The following BBS1 variants were observed in gnomAD, a reference collection of about 807,000 sequenced individuals.
BBS1 encodes BBSome complex member BBS1.
A neutral mutation model predicts 73.9 loss-of-function variants in BBS1; 60 were observed. That is an observed-to-expected ratio of 0.81 (90% CI 0.66 to 1.01). The LOEUF (loss-of-function observed/expected upper bound fraction) is 1.01. Ranked by LOEUF, BBS1 falls within the 50% of genes least tolerant of loss-of-function variation. The probability of loss-of-function intolerance (pLI) is 0.00; values close to 1 mark genes in which losing one functional copy is unlikely to be tolerated. For synonymous variants in BBS1, 283 were observed against 317.4 expected (o/e 0.89, Z 1.15); for missense variants, 718 against 770.3 (o/e 0.93, Z 0.80).
chr11:66,514,081 G>A (rs1307345216), intron 3 of BBS1, among the ~76,000 whole-genome samples: 1 of 152,200 alleles, frequency 6.6e-6, no homozygotes, highest in Non-Finnish European at 1.5e-5. Flanking sequence ...CTCTAGAAGT[G>A]CCTGGTGTGG....
chr11:66,516,040 T>G, intron 7 of BBS1, 107 bp downstream of exon 7: 2 of 1,080,096 alleles, frequency 1.9e-6, no homozygotes, highest in Non-Finnish European at 2.8e-6. Flanking sequence ...CCAGTATCTC[T>G]TTGCTATATC....
At chr11:66,510,870 G>A in intron 1 of BBS1, 143 bp from the exon 2 acceptor site, 1 of 1,357,044 alleles carries the variant, frequency 7.4e-7, no homozygotes, top group Non-Finnish European at 1.1e-6. Flanking sequence ...TCTGGAGGTC[G>A]CTCGGTGAGC....
intron 3 of BBS1, among the ~76,000 whole-genome samples, chr11:66,511,652 G>T (rs1446511487): frequency 6.6e-6 from 1 of 152,086 alleles, no homozygotes; most frequent in Non-Finnish European, 1.5e-5. Context: ...GATATATGGG[G>T]ACTCATTATA....
chr11:66,522,241 G>A (rs1474029348), intron 9 of BBS1, among the ~76,000 whole-genome samples: 2 of 151,094 alleles, frequency 1.3e-5, no homozygotes, highest in Non-Finnish European at 2.9e-5. Flanking sequence ...GAAACAGATG[G>A]GAAGAAATAA....
rs1856143917 is a variant in BBS1 at position 66,519,763 on chromosome 11, T to A, written c.723+15T>A. On this transcript the variant is annotated intron_variant, in intron 8 of 16. Transcript: ENST00000318312. ...TTTTAGCCAAGGTCAGCGTCAGGTC[T>A]GGCCCTGGGCCCGCTGGAGGCCCAG... 6.2e-7 allele frequency: 1 copy of A among 1,612,424 alleles called. No homozygotes were observed. Among genetic ancestry groups the A allele is most frequent in the South Asian group, 1.1e-5 (1 of 91,056 alleles).
In BBS1 at chr11:66,531,957, G is replaced by T; in HGVS notation, c.1702G>T (p.Val568Leu). The change falls in exon 17 of 17, where the codon GTG (valine) becomes TTG (leucine). Residue 568 changes from valine (V) to leucine (L), a missense_variant. Physicochemically the swap from Val to Leu is conservative, Grantham distance 32. Transcript: ENST00000318312. ...CATGGCCACTCCTCCATAGGTGCTG[G>T]TGCTTCGAGAAGGCCAAAGTGCACC... Reference protein sequence around the residue: ...KGISDIIKVLVLREGQSAPLL... With the variant: ...KGISDIIKVLLLREGQSAPLL... The T allele has an allele frequency of 6.3e-7, 1 of 1,593,992 alleles. No individual in the cohort carries two copies. Among genetic ancestry groups the T allele is most frequent in the Non-Finnish European group, 8.5e-7 (1 of 1,170,836 alleles).
chr11:66,532,645 T>G lies in BBS1; in HGVS notation c.*608T>G, dbSNP rs1403250479. The G allele has an allele frequency of 1.3e-5, 2 of 154,178 alleles. No individual in the cohort carries two copies. Among genetic ancestry groups the G allele is most frequent in the East Asian group, 1.9e-4 (1 of 5,220 alleles). 9.6% of individuals were successfully genotyped at this position (154,178 alleles called of 1,614,324 possible). On this transcript the variant is annotated 3_prime_UTR_variant, in exon 17 of 17. Coordinates refer to ENST00000318312, the MANE Select transcript of BBS1 (RefSeq NM_024649.5). Reference sequence around the variant, plus strand: ...CTGAAATCTTAGACTTAGCCAGTCTTAGGCCTACGATGCCACACAAAGGTT... The same window carrying G: ...CTGAAATCTTAGACTTAGCCAGTCTGAGGCCTACGATGCCACACAAAGGTT...
intron 14 of BBS1, 23 bp downstream of exon 14, chr11:66,529,975 A>AG (rs1423670516): frequency 6.3e-7 from 1 of 1,590,476 alleles, no homozygotes; most frequent in East Asian, 2.3e-5. Context: ...GTGAGGGCAG[A>AG]GTCAGGGCCA....
At chr11:66,515,664 G>A (rs143038314) in intron 5 of BBS1, 29 bp from the exon 6 acceptor site, 85 of 1,614,050 alleles carry the variant, frequency 5.3e-5, no homozygotes, top group African/African-American at 5.2e-4. Flanking sequence ...TCTTCCATTC[G>A]GCTGCCATGC....
chr11:66,523,428 G>T (rs753241093), intron 9 of BBS1, 28 bp from the exon 10 acceptor site: 1 of 1,614,146 alleles, frequency 6.2e-7, no homozygotes, highest in Non-Finnish European at 8.5e-7. Flanking sequence ...TTTCTCTGGG[G>T]CCAGACAGTG....
At chr11:66,524,306 C>T (rs1856391246) in intron 11 of BBS1, 2 of 318,132 alleles carry the variant, frequency 6.3e-6, no homozygotes, top group South Asian at 2.7e-5. Flanking sequence ...TGTTGAGCAC[C>T]TCATATGTAC....
intron 7 of BBS1, among the ~76,000 whole-genome samples, chr11:66,517,220 A>AC (rs1185164545): frequency 1.3e-5 from 2 of 148,672 alleles, no homozygotes; most frequent in African/African-American, 4.9e-5. Context: ...CCAAAAAACA[A>AC]AAAAAAAAAG....
chr11:66,523,649 G>C, intron 10 of BBS1, 73 bp downstream of exon 10: 1 of 1,611,410 alleles, frequency 6.2e-7, no homozygotes, highest in Non-Finnish European at 8.5e-7. Context: ...GAGTCCTCTG[G>C]CTTCCCCACC....
chr11:66,510,995 T>A lies in BBS1; in HGVS notation c.48-18T>A. On this transcript the variant is annotated intron_variant, in intron 1 of 16. Transcript: ENST00000318312. ...TCCCATGGGACTCACTCCCCAACTG[T>A]CTTTCCCCCACTTCCAGCAATGAGG... is the stretch of plus-strand genomic sequence containing the variant. 1 of 1,614,002 alleles carries A rather than the reference T, an allele frequency of 6.2e-7. No homozygotes were observed. Among genetic ancestry groups the A allele is most frequent in the Non-Finnish European group, 8.5e-7 (1 of 1,179,910 alleles).
In BBS1 at chr11:66,523,501, T is replaced by C. The variant is rs1398065187; in HGVS notation, c.876T>C (p.Pro292=). The change falls in exon 10 of 17, where the codon CCT becomes CCC. Residue 292 remains proline, a synonymous_variant. Transcript: ENST00000318312. Reference sequence around the variant, plus strand: ...ACTGCATCGAGCTGAGCGCCCAGCCTGTGGGACTTATCCGGGTACACAAGG... The same window carrying C: ...ACTGCATCGAGCTGAGCGCCCAGCCCGTGGGACTTATCCGGGTACACAAGG... The part of the protein sequence containing the change: ...PKYCIELSAQ[P]VGLIRVHKVL... 1 of 1,614,074 alleles carries C rather than the reference T, an allele frequency of 6.2e-7. No individual in the cohort carries two copies. Among genetic ancestry groups the C allele is most frequent in the Non-Finnish European group, 8.5e-7 (1 of 1,180,000 alleles).
chr11:66,518,766 T>TC (rs1334324999), intron 7 of BBS1, among the ~76,000 whole-genome samples: 1 of 151,006 alleles, frequency 6.6e-6, no homozygotes, highest in East Asian at 1.9e-4. Context: ...TCTTTTTTTT[T>TC]TTTTTTTTTA....
rs1855990359 is a variant in BBS1, at chr11:66,513,460, C to T, written c.160-946C>T. Among the ~76,000 whole-genome samples the T allele has an allele frequency of 3.3e-5, 5 of 152,132 alleles. No individual in the cohort carries two copies. In the South Asian group the frequency reaches 1.0e-3, roughly 31 times the overall value. On this transcript the variant is annotated intron_variant, in intron 3 of 16. Transcript: ENST00000318312. ...TAATAGCTGTATGACTTTTACTTAA[C>T]TTCTCTAAGACACAGCTTCCTCATT...
At chr11:66,523,983 A>T (rs971169901) in intron 11 of BBS1, 101 bp downstream of exon 11, 9 of 1,544,764 alleles carry the variant, frequency 5.8e-6, no homozygotes, top group Non-Finnish European at 7.9e-6. Context: ...GATGCATTTC[A>T]AAAACATTTG....
intron 13 of BBS1, chr11:66,528,991 G>GT (rs2134825727): frequency 1.9e-6 from 1 of 524,368 alleles, no homozygotes; most frequent in Admixed American, 6.7e-5. Context: ...AAAAAAAAAG[G>GT]AAGAAAATCA....
Sources: allele counts gnomAD v4.1 joint callset (sites outside exome capture counted in the v4.1 genomes callset), GRCh38; gene constraint gnomAD v4.1.1; transcripts MANE v1.5; gene names NCBI Gene and HGNC (gene_info 2026-07-23, HGNC 2026-07-21).